The following UBE2K variants were observed in gnomAD, a reference collection of about 807,000 sequenced individuals.
UBE2K encodes ubiquitin conjugating enzyme E2 K, also known as ubiquitin-conjugating enzyme E2 K.
In UBE2K, 6 loss-of-function variants were observed where a neutral mutation model predicts 30.0. The observed-to-expected ratio is 0.20, with a 90% CI of 0.11 to 0.39. UBE2K has a LOEUF of 0.39. Ranked by LOEUF, UBE2K falls within the 10% of genes least tolerant of loss-of-function variation. UBE2K has a pLI of 1.00. For synonymous variants in UBE2K, 86 were observed against 83.7 expected, an observed-to-expected ratio of 1.03 and a Z score of -0.15; for missense variants, 61 against 241.6, an observed-to-expected ratio of 0.25 and a Z score of 4.96.
chr4:39,752,928 G>A (rs1560368222), intron 3 of UBE2K, among the ~76,000 whole-genome samples: 4 of 152,044 alleles, frequency 2.6e-5, no homozygotes, highest in Admixed American at 2.6e-4. Context: ...GCCGAGAGGG[G>A]AGGATTGCCT....
At chr4:39,741,720 A>G (rs182013842) in intron 2 of UBE2K, among the ~76,000 whole-genome samples, 27 of 152,308 alleles carry the variant, frequency 1.8e-4, no homozygotes, top group African/African-American at 3.6e-4. Context: ...TAATAATTCA[A>G]TGACAAAGGA....
At chr4:39,737,556 C>T in intron 2 of UBE2K, 43 bp downstream of exon 2, 1 of 1,238,830 alleles carries the variant, frequency 8.1e-7, no homozygotes, top group South Asian at 1.5e-5. Flanking sequence ...CGTATTAGAA[C>T]TTGTCTGAAA....
chr4:39,778,130 TAAGAG>T (rs1485908997), intron 6 of UBE2K, among the ~76,000 whole-genome samples: 1 of 95,428 alleles, frequency 1.0e-5, no homozygotes. Context: ...AAAAGGAAAA[TAAGAG>T]AAAATCTAGT....
intron 4 of UBE2K, among the ~76,000 whole-genome samples, chr4:39,764,178 G>A (rs28602495): frequency 0.019 from 2,855 of 152,280 alleles, 99 homozygotes; most frequent in African/African-American, 0.065. Context: ...AACATGGCAA[G>A]ACCCTGTCTG....
chr4:39,770,336 G>GT (rs1712702260), intron 4 of UBE2K: 1 of 1,613,408 alleles, frequency 6.2e-7, no homozygotes, highest in Non-Finnish European at 8.5e-7. Context: ...TCCTGTGGTG[G>GT]TTGAGGTTGT....
chr4:39,750,528 A>G (rs952178898), intron 3 of UBE2K, among the ~76,000 whole-genome samples: 13 of 152,028 alleles, frequency 8.6e-5, no homozygotes, highest in African/African-American at 2.7e-4. Context: ...CAACGCTACT[A>G]CTAGTTTTGT....
intron 5 of UBE2K, among the ~76,000 whole-genome samples, chr4:39,776,942 T>A (rs1713317451): frequency 6.6e-6 from 1 of 152,182 alleles, no homozygotes; most frequent in South Asian, 2.1e-4. Flanking sequence ...TTGTGATGAA[T>A]AAGTGGTAGA....
chr4:39,778,208 A>G, intron 6 of UBE2K, 152 bp from the exon 7 acceptor site: 2 of 410,994 alleles, frequency 4.9e-6, no homozygotes, highest in Non-Finnish European at 4.2e-6. Context: ...AATTACTGTC[A>G]TTGATTTTAG....
rs1192609066 is a variant in UBE2K, at chr4:39,779,548, GCTTT to G, written c.*1119_*1122del. The G allele has an allele frequency of 6.6e-6, 1 of 152,588 alleles. No homozygotes were observed. The highest frequency in any genetic ancestry group is 1.9e-4 in the East Asian group (1 of 5,204). 9.5% of individuals were successfully genotyped at this position (152,588 alleles called of 1,614,324 possible). ...GGAATAGAAGTGTGTTATAAATCTA[GCTTT>G]CTTTATGATGTTTCTGATAATACGA... On this transcript the variant is annotated 3_prime_UTR_variant, in exon 7 of 7. Coordinates refer to ENST00000261427, the MANE Select transcript of UBE2K (RefSeq NM_005339.5).
In UBE2K at chr4:39,726,274, G is replaced by T. The variant is rs570562339; in HGVS notation, c.64-11146G>T. 2.0e-5 allele frequency among the ~76,000 whole-genome samples: 3 copies of T among 152,200 alleles called. No individual in the cohort carries two copies. In the East Asian group the frequency reaches 5.8e-4, roughly 29 times the overall value. On this transcript the variant is annotated intron_variant, in intron 1 of 6. Transcript: ENST00000261427. ...GCCTCCCAAAGTGCTGGGATTACAG[G>T]CGTGAGCCATCGTGCCTGGCCTGTT...
chr4:39,753,124 C>T (rs1721355481), intron 3 of UBE2K, among the ~76,000 whole-genome samples: 1 of 152,246 alleles, frequency 6.6e-6, no homozygotes, highest in Admixed American at 6.5e-5. Context: ...CTCAGTGGCT[C>T]ACGCCTATAA....
chr4:39,733,813 A>G (rs929967452), intron 1 of UBE2K, among the ~76,000 whole-genome samples: 6 of 152,292 alleles, frequency 3.9e-5, no homozygotes, highest in South Asian at 2.1e-4. Flanking sequence ...TTCAGCACAC[A>G]TATGTCTTAC....
chr4:39,770,113 T>G lies in UBE2K; in HGVS notation c.300-4721T>G. On this transcript the variant is annotated intron_variant, in intron 4 of 6. Coordinates refer to ENST00000261427, the MANE Select transcript of UBE2K (RefSeq NM_005339.5). ...ATGAGGACATTAATCTCGGCCACAC[T>G]GGTCTCCAGCACGTTCTCGGCGGTG... is the stretch of plus-strand genomic sequence containing the variant. 5 of 1,581,606 alleles carry G rather than the reference T, an allele frequency of 3.2e-6. No individual in the cohort carries two copies. The South Asian group carries it at 5.6e-5, about 18-fold the overall frequency.
chr4:39,777,533 G>A, intron 5 of UBE2K, 149 bp from the exon 6 acceptor site: 1 of 682,892 alleles, frequency 1.5e-6, no homozygotes, highest in East Asian at 3.4e-5. Flanking sequence ...TTTCTCGAGT[G>A]ACATAGGTTG....
At chr4:39,775,802 AT>A (rs996016613) in intron 5 of UBE2K, among the ~76,000 whole-genome samples, 107 of 148,674 alleles carry the variant, frequency 7.2e-4, no homozygotes, top group African/African-American at 7.8e-4. Flanking sequence ...TATAATGGAC[AT>A]TTTTTTTTTT....
At chr4:39,728,827 G>GTTTTTTTT (rs372834149) in intron 1 of UBE2K, among the ~76,000 whole-genome samples, 2 of 128,662 alleles carry the variant, frequency 1.6e-5, no homozygotes, top group Non-Finnish European at 3.5e-5. Context: ...TGTTTTTTTT[G>GTTTTTTTT]TTTTTTTTTT....
At chr4:39,777,533 G>T in intron 5 of UBE2K, 149 bp from the exon 6 acceptor site, 1 of 682,892 alleles carries the variant, frequency 1.5e-6, no homozygotes, top group Non-Finnish European at 2.2e-6. Context: ...TTTCTCGAGT[G>T]ACATAGGTTG....
chr4:39,771,055 T>C, intron 4 of UBE2K: 1 of 1,612,466 alleles, frequency 6.2e-7, no homozygotes, highest in Admixed American at 1.7e-5. Flanking sequence ...TATTTTGGGC[T>C]CAGTGAACTG....
At chr4:39,772,020 G>A (rs1712911212) in intron 4 of UBE2K, among the ~76,000 whole-genome samples, 1 of 152,004 alleles carries the variant, frequency 6.6e-6, no homozygotes. Context: ...TGTATTTTTG[G>A]CAGACAGTGT....
Sources: gnomAD v4.1 joint callset for allele counts (sites outside exome capture counted in the v4.1 genomes callset) on GRCh38, gnomAD v4.1.1 for gene constraint, MANE v1.5 for transcripts, NCBI Gene and HGNC (gene_info 2026-07-23, HGNC 2026-07-21) for gene names.